TENM2: variants seen among roughly 807,000 people sequenced by gnomAD.
TENM2 encodes the protein teneurin-2.
TENM2 carries 52 observed loss-of-function variants against 245.2 expected under a neutral mutation model. The observed-to-expected ratio is 0.21, with a 90% confidence interval of 0.17 to 0.27. TENM2 has a LOEUF of 0.27. Among genes scored for constraint, TENM2 ranks in the 10% least tolerant of loss-of-function variants. The probability of loss-of-function intolerance (pLI) is 1.00; values close to 1 mark genes in which losing one functional copy is unlikely to be tolerated. For synonymous variants in TENM2, 1,363 were observed against 1,438.9 expected (o/e 0.95, Z 1.19); for missense variants, 3,046 against 3,666.8 (o/e 0.83, Z 4.37).
At chr5:167,836,344 G>A (rs1202526529) in intron 2 of TENM2, among the ~76,000 whole-genome samples, 3 of 152,050 alleles carry the variant, frequency 2.0e-5, no homozygotes. Flanking sequence ...AAGGGTTTCC[G>A]ACCAGGCCCT....
Position 167,984,527 on chromosome 5 carries a change from A to G in TENM2, c.948-8417A>G, listed in dbSNP as rs568697729. 2.0e-5 allele frequency among the ~76,000 whole-genome samples: 3 copies of G among 152,210 alleles called. No individual in the cohort carries two copies. In the East Asian group the frequency reaches 5.8e-4, roughly 29 times the overall value. ...AAAAATTAGCCTGGCGTGGTGGCAC[A>G]TGCTTGTAACCCCAGCTACTTGGGA... On this transcript the variant is annotated intron_variant, in intron 4 of 28. Coordinates refer to ENST00000518659, the Ensembl canonical transcript of TENM2.
chr5:167,512,858 A>G (rs1770062066), intron 2 of TENM2, among the ~76,000 whole-genome samples: 2 of 152,078 alleles, frequency 1.3e-5, no homozygotes, highest in Non-Finnish European at 2.9e-5. Context: ...TTTTAAATGG[A>G]TAAGTTGCAG....
At chr5:167,849,712 G>A (rs1271964449) in intron 2 of TENM2, among the ~76,000 whole-genome samples, 1 of 152,182 alleles carries the variant, frequency 6.6e-6, no homozygotes, top group East Asian at 1.9e-4. Flanking sequence ...CTATTAATTT[G>A]CTAGAGGGAT....
chr5:167,997,696 ATAT>A (rs1562031547), intron 5 of TENM2, among the ~76,000 whole-genome samples: 2 of 152,128 alleles, frequency 1.3e-5, no homozygotes, highest in South Asian at 2.1e-4. Context: ...GTGTTATGAA[ATAT>A]TATTTTCTTT....
chr5:168,175,973 A>G (rs1759321592), intron 13 of TENM2, among the ~76,000 whole-genome samples: 1 of 152,200 alleles, frequency 6.6e-6, no homozygotes, highest in Non-Finnish European at 1.5e-5. Context: ...CAGGGAGGCC[A>G]TTGCATAGGC....
chr5:167,605,748 G>A (rs1776993970), intron 2 of TENM2, among the ~76,000 whole-genome samples: 2 of 152,146 alleles, frequency 1.3e-5, no homozygotes, highest in Admixed American at 1.3e-4. Context: ...AAATTGATTG[G>A]CTGTTTTCTC....
At chr5:167,772,000 T>C (rs1763434030) in intron 2 of TENM2, among the ~76,000 whole-genome samples, 1 of 152,180 alleles carries the variant, frequency 6.6e-6, no homozygotes, top group Admixed American at 6.5e-5. Context: ...TACCTGGGAC[T>C]TATAATTAAG....
At chr5:167,996,861 C>A in intron 5 of TENM2, among the ~76,000 whole-genome samples, 1 of 152,048 alleles carries the variant, frequency 6.6e-6, no homozygotes, top group Admixed American at 6.6e-5. Flanking sequence ...GCCTCAGCCT[C>A]CCAAGTAGCT....
At chr5:167,354,244 ACTCAATT>A (rs1759166940) in intron 1 of TENM2, among the ~76,000 whole-genome samples, 1 of 152,206 alleles carries the variant, frequency 6.6e-6, no homozygotes, top group Admixed American at 6.5e-5. Context: ...ACCAAGGGCC[ACTCAATT>A]CTCTACTTCT....
rs758829156 is a variant in TENM2, at chr5:168,062,280, G to C, written c.1515+15G>C. On this transcript the variant is annotated intron_variant, in intron 7 of 28. Transcript: ENST00000518659. ...CTCATGCCCAGGTATGACCATGTTT[G>C]ATGTAATCAAGCATTTAAAAAAATA... 1 of 1,609,788 alleles carries C rather than the reference G, an allele frequency of 6.2e-7. No individual in the cohort carries two copies. The highest frequency in any genetic ancestry group is 1.3e-5 in the African/African-American group (1 of 74,810).
intron 2 of TENM2, among the ~76,000 whole-genome samples, chr5:167,394,876 T>G (rs1761965450): frequency 6.6e-6 from 1 of 152,140 alleles, no homozygotes; most frequent in East Asian, 1.9e-4. Context: ...GGATTACAAG[T>G]GTGAGCCATC....
intron 25 of TENM2, among the ~76,000 whole-genome samples, chr5:168,238,217 G>GAAGAAA (rs1340183386): frequency 9.8e-5 from 4 of 40,748 alleles, no homozygotes; most frequent in East Asian, 8.3e-4. Context: ...GAGGGAGGGA[G>GAAGAAA]AGAGAAGAAA....
intron 5 of TENM2, among the ~76,000 whole-genome samples, chr5:168,023,764 A>G (rs1220063384): frequency 6.6e-6 from 1 of 152,186 alleles, no homozygotes. Flanking sequence ...TTGCCTGGAA[A>G]GGGGGACATG....
the TENM2 span, among the ~76,000 whole-genome samples, chr5:167,178,518 C>T: frequency 3.9e-5 from 6 of 152,070 alleles, no homozygotes; most frequent in Admixed American, 1.3e-4. Flanking sequence ...AGAGTTAAGC[C>T]GGAATGTCCT....
At chr5:168,117,284 TC>T (rs1795150622) in intron 9 of TENM2, among the ~76,000 whole-genome samples, 2 of 152,202 alleles carry the variant, frequency 1.3e-5, no homozygotes, top group African/African-American at 2.4e-5. Context: ...TTCTTTTTTT[TC>T]TAATAAGTCA....
At chr5:167,828,374 C>T (rs1768168304) in intron 2 of TENM2, among the ~76,000 whole-genome samples, 1 of 152,148 alleles carries the variant, frequency 6.6e-6, no homozygotes, top group Admixed American at 6.5e-5. Context: ...GTTTCAGGAT[C>T]CAGTTTGTTC....
chr5:167,981,682 C>A (rs1422139865), intron 4 of TENM2, among the ~76,000 whole-genome samples: 1 of 152,160 alleles, frequency 6.6e-6, no homozygotes, highest in Admixed American at 6.5e-5. Context: ...CGTACTTGGT[C>A]TAAAATCCAG....
At chr5:167,778,934 T>A (rs1763994067) in intron 2 of TENM2, among the ~76,000 whole-genome samples, 1 of 152,232 alleles carries the variant, frequency 6.6e-6, no homozygotes, top group African/African-American at 2.4e-5. Context: ...ACGTCTGATC[T>A]GACTTGCTCT....
the TENM2 span, among the ~76,000 whole-genome samples, chr5:167,186,587 T>C: frequency 6.6e-6 from 1 of 152,158 alleles, no homozygotes; most frequent in Admixed American, 6.5e-5. Flanking sequence ...GAAACAACCC[T>C]TGGGACAATG....
Sources: allele counts gnomAD v4.1 joint callset (sites outside exome capture counted in the v4.1 genomes callset), GRCh38; gene constraint gnomAD v4.1.1; transcripts MANE v1.5; gene names NCBI Gene and HGNC (gene_info 2026-07-23, HGNC 2026-07-21).